CCDC3: variants seen among roughly 807,000 people sequenced by gnomAD.
CCDC3 encodes coiled-coil domain-containing protein 3.
CCDC3 carries 24 observed loss-of-function variants against 21.4 expected under a neutral mutation model. That is an observed-to-expected ratio of 1.12 (90% confidence interval 0.81 to 1.58). The LOEUF (loss-of-function observed/expected upper bound fraction) is 1.58, where lower values mean the gene tolerates loss of function less well. Ranked by LOEUF, CCDC3 falls within the 40% of genes most tolerant of loss-of-function variation. The probability of loss-of-function intolerance (pLI) is 0.00; values close to 1 mark genes in which losing one functional copy is unlikely to be tolerated. For missense variants in CCDC3, 425 were observed against 360.9 expected (o/e 1.18, Z -1.44); for synonymous variants, 186 against 166.0 (o/e 1.12, Z -0.93).
At chr10:13,040,727 A>AC (rs1564329655) in intron 5 of CCDC3, among the ~76,000 whole-genome samples, 3 of 149,940 alleles carry the variant, frequency 2.0e-5, no homozygotes, top group African/African-American at 7.4e-5. Flanking sequence ...ACACACACAC[A>AC]AAGTAAACAG....
At chr10:12,979,028 C>G (rs1028146816) in intron 2 of CCDC3, among the ~76,000 whole-genome samples, 1 of 152,112 alleles carries the variant, frequency 6.6e-6, no homozygotes, top group Non-Finnish European at 1.5e-5. Flanking sequence ...ATAAGCCAGG[C>G]TCCCATGTTG....
At chr10:13,056,775 A>G (rs1250708689) in intron 4 of CCDC3, among the ~76,000 whole-genome samples, 2 of 152,224 alleles carry the variant, frequency 1.3e-5, no homozygotes, top group Non-Finnish European at 2.9e-5. Flanking sequence ...TTTGGTAACC[A>G]TAGGAGATTA....
intron 2 of CCDC3, among the ~76,000 whole-genome samples, chr10:12,939,491 C>T (rs1354000496): frequency 6.6e-6 from 1 of 152,140 alleles, no homozygotes; most frequent in Admixed American, 6.5e-5. Flanking sequence ...GGCATAGTGG[C>T]ATGCACCTGT....
At chr10:12,902,218 T>C (rs1240275207) in intron 2 of CCDC3, among the ~76,000 whole-genome samples, 1 of 152,210 alleles carries the variant, frequency 6.6e-6, no homozygotes, top group African/African-American at 2.4e-5. Flanking sequence ...AATGTTCCAA[T>C]AATACCTGTC....
intron 2 of CCDC3, among the ~76,000 whole-genome samples, chr10:12,990,683 A>C (rs1835668091): frequency 6.6e-6 from 1 of 152,200 alleles, no homozygotes; most frequent in African/African-American, 2.4e-5. Flanking sequence ...CCCCCATCAG[A>C]TCAATAGTGG....
intron 2 of CCDC3, among the ~76,000 whole-genome samples, chr10:12,995,456 G>A (rs533188299): frequency 9.8e-5 from 15 of 152,288 alleles, no homozygotes; most frequent in African/African-American, 2.4e-4. Flanking sequence ...TGGCCAGGCC[G>A]GTCTTAAACT....
At chr10:12,942,795 C>A (rs1046771835) in intron 2 of CCDC3, among the ~76,000 whole-genome samples, 11 of 152,156 alleles carry the variant, frequency 7.2e-5, no homozygotes, top group Non-Finnish European at 1.5e-4. Context: ...ATCAGATGAC[C>A]CACTTGGGAG....
intron 4 of CCDC3, among the ~76,000 whole-genome samples, chr10:13,054,132 G>C (rs944451650): frequency 2.8e-5 from 4 of 143,098 alleles, no homozygotes; most frequent in Admixed American, 1.5e-4. Context: ...GTGACAGAGA[G>C]AGAGAGAGAG....
intron 2 of CCDC3, among the ~76,000 whole-genome samples, chr10:12,982,777 A>T (rs1308265667): frequency 7.8e-6 from 1 of 127,562 alleles, no homozygotes; most frequent in African/African-American, 3.0e-5. Context: ...TGGGTGACAG[A>T]GCAAGACTCT....
intron 2 of CCDC3, among the ~76,000 whole-genome samples, chr10:12,990,231 G>A (rs1835660711): frequency 6.8e-6 from 1 of 147,178 alleles, no homozygotes; most frequent in South Asian, 2.1e-4. Flanking sequence ...CTGCACTCTG[G>A]CCTGGGCAAA....
chr10:12,941,971 T>C (rs959703029), intron 2 of CCDC3, among the ~76,000 whole-genome samples: 2 of 152,136 alleles, frequency 1.3e-5, no homozygotes, highest in Admixed American at 1.3e-4. Context: ...TTGAAGGCGG[T>C]TTTCCTGACC....
At chr10:12,957,582 T>C (rs1835110143) in intron 2 of CCDC3, among the ~76,000 whole-genome samples, 1 of 152,124 alleles carries the variant, frequency 6.6e-6, no homozygotes, top group Non-Finnish European at 1.5e-5. Flanking sequence ...GGGGAGTGGA[T>C]TTTTCACAAA....
At chr10:13,009,922 T>C (rs984663387) in intron 5 of CCDC3, among the ~76,000 whole-genome samples, 1 of 152,202 alleles carries the variant, frequency 6.6e-6, no homozygotes, top group Non-Finnish European at 1.5e-5. Flanking sequence ...TGATAAAGGA[T>C]ACATATTCAG....
chr10:12,992,320 C>A (rs77696832), intron 2 of CCDC3, among the ~76,000 whole-genome samples: 3 of 151,954 alleles, frequency 2.0e-5, no homozygotes, highest in African/African-American at 7.3e-5. Context: ...AACCTCACTG[C>A]GGAGGTTGCA....
chr10:13,072,765 C>A (rs1436762704), intron 4 of CCDC3, among the ~76,000 whole-genome samples: 1 of 151,960 alleles, frequency 6.6e-6, no homozygotes, highest in East Asian at 1.9e-4. Flanking sequence ...GGTCATGTGA[C>A]ATGAACCCAG....
Position 12,913,977 on chromosome 10 carries a change from C to T in CCDC3, c.550-15298G>A, listed in dbSNP as rs372675962. On this transcript the variant is annotated intron_variant, in intron 2 of 2. Coordinates refer to ENST00000378825, the MANE Select transcript of CCDC3 (RefSeq NM_031455.4). ...GATCCTTTTAATGTGCTGTTGGATT[C>T]AGTTTACTAGTATTTTCTTGAGAAC... Among the ~76,000 whole-genome samples the T allele has an allele frequency of 9.9e-5, 15 of 152,218 alleles. No individual in the cohort carries two copies. In the South Asian group the frequency reaches 2.9e-3, roughly 29 times the overall value.
At chr10:12,950,768 G>A (rs1221852879) in intron 2 of CCDC3, among the ~76,000 whole-genome samples, 1 of 152,074 alleles carries the variant, frequency 6.6e-6, no homozygotes, top group Admixed American at 6.6e-5. Flanking sequence ...CAGACCTGTG[G>A]GCTTCTCTAG....
intron 2 of CCDC3, among the ~76,000 whole-genome samples, chr10:12,927,085 T>A (rs1267999692): frequency 6.6e-6 from 1 of 152,138 alleles, no homozygotes; most frequent in Non-Finnish European, 1.5e-5. Flanking sequence ...TATTTACCAG[T>A]TCCTGTTTTC....
At chr10:12,920,788 C>A (rs74120717) in intron 2 of CCDC3, among the ~76,000 whole-genome samples, 3,141 of 152,306 alleles carry the variant, frequency 0.021, 85 homozygotes, top group African/African-American at 0.059. Flanking sequence ...ACGTCACTTG[C>A]CTAAGTCCCC....
Sources: allele counts gnomAD v4.1 joint callset (sites outside exome capture counted in the v4.1 genomes callset), GRCh38; gene constraint gnomAD v4.1.1; transcripts MANE v1.5; gene names NCBI Gene and HGNC (gene_info 2026-07-23, HGNC 2026-07-21).